SELENON: variants seen among roughly 807,000 people sequenced by gnomAD.
SELENON encodes selenoprotein N.
In SELENON, 44 loss-of-function variants were observed where a neutral mutation model predicts 59.5. The observed-to-expected ratio is 0.74, with a 90% CI of 0.58 to 0.95. The LOEUF (loss-of-function observed/expected upper bound fraction) is 0.95. SELENON is among the 40% of genes least tolerant of loss of function. The pLI, the probability that SELENON is intolerant of heterozygous loss-of-function variation, is 0.00. For synonymous variants in SELENON, 320 were observed against 305.6 expected, an observed-to-expected ratio of 1.05 and a Z score of -0.49; for missense variants, 674 against 721.4, an observed-to-expected ratio of 0.93 and a Z score of 0.75.
At chr1:25,810,499 C>G (rs531471418) in intron 7 of SELENON, among the ~76,000 whole-genome samples, 2 of 152,334 alleles carry the variant, frequency 1.3e-5, no homozygotes, top group South Asian at 4.1e-4. Flanking sequence ...GGGATGAGAC[C>G]TGGCTGGGAG....
At chr1:25,808,844 C>T in intron 5 of SELENON, 55 bp downstream of exon 4, 1 of 1,602,086 alleles carries the variant, frequency 6.2e-7, no homozygotes. Flanking sequence ...CAGGAGTGGC[C>T]ACCCCTCTGT....
chr1:25,806,705 C>T (rs2047910083), intron 4 of SELENON, among the ~76,000 whole-genome samples: 1 of 152,112 alleles, frequency 6.6e-6, no homozygotes, highest in Non-Finnish European at 1.5e-5. Flanking sequence ...GTGCCCAACT[C>T]TAGAGCCTGG....
At position 25,815,948 on chromosome 1, in the gene SELENON, G is replaced by A; in HGVS notation, c.*230G>A. ...AACCTCTAGCTCTGACTGTCACTCGGCTCTCCCTACCCATTTGGCTCTGGA... is the reference window on the plus strand; with the variant it reads ...AACCTCTAGCTCTGACTGTCACTCGACTCTCCCTACCCATTTGGCTCTGGA... On this transcript the variant is annotated 3_prime_UTR_variant, in exon 13 of 13. Coordinates refer to ENST00000361547, the MANE Select transcript of SELENON (RefSeq NM_020451.3). 1 of 557,118 alleles carries A rather than the reference G, an allele frequency of 1.8e-6. No individual in the cohort carries two copies. Among genetic ancestry groups the A allele is most frequent in the South Asian group, 2.0e-5 (1 of 49,528 alleles). 34.5% of individuals were successfully genotyped at this position (557,118 alleles called of 1,614,324 possible).
At chr1:25,812,207 G>T (rs995239173) in intron 9 of SELENON, among the ~76,000 whole-genome samples, 2 of 152,040 alleles carry the variant, frequency 1.3e-5, no homozygotes, top group African/African-American at 4.8e-5. Context: ...CCTGGGGGTG[G>T]TGGTAGCACG....
chr1:25,808,928 G>T, intron 5 of SELENON, 98 bp from the exon 5 acceptor site: 1 of 1,601,222 alleles, frequency 6.2e-7, no homozygotes, highest in Non-Finnish European at 8.5e-7. Flanking sequence ...CCCTCCCCAT[G>T]GGGCCCCTGG....
At position 25,817,584 on chromosome 1, in the gene SELENON, A is replaced by G. The variant is rs2048022391; in HGVS notation, c.*1866A>G. The G allele has an allele frequency of 6.6e-6, 1 of 152,236 alleles. No homozygotes were observed. Among genetic ancestry groups the G allele is most frequent in the African/African-American group, 2.4e-5 (1 of 41,446 alleles). The allele number at this position is 152,236 out of a possible 1,614,324, so 9.4% of individuals were successfully genotyped here. ...CACCTTCTCACTTAATCCTCACGACAAGCCTGTGAGGCAGATGCTCATTGT... is the reference window on the plus strand; with the variant it reads ...CACCTTCTCACTTAATCCTCACGACGAGCCTGTGAGGCAGATGCTCATTGT... On this transcript the variant is annotated 3_prime_UTR_variant, in exon 13 of 13. Coordinates refer to ENST00000361547, the MANE Select transcript of SELENON (RefSeq NM_020451.3).
At chr1:25,803,836 G>C (rs1259582258) in intron 3 of SELENON, among the ~76,000 whole-genome samples, 1 of 151,628 alleles carries the variant, frequency 6.6e-6, no homozygotes, top group Non-Finnish European at 1.5e-5. Flanking sequence ...TAGCTGGGCT[G>C]GGATTACAGG....
intron 3 of SELENON, among the ~76,000 whole-genome samples, chr1:25,803,293 T>G (rs1183305535): frequency 6.6e-6 from 1 of 152,218 alleles, no homozygotes; most frequent in East Asian, 1.9e-4. Flanking sequence ...TGCACAGAAA[T>G]CTTTTTCTCC....
At chr1:25,800,592 C>T (rs2124437069) in intron 1 of SELENON, among the ~76,000 whole-genome samples, 179 bp downstream of exon 1, 1 of 116,286 alleles carries the variant, frequency 8.6e-6, no homozygotes, top group East Asian at 2.2e-4. Flanking sequence ...TGCCTGGGGC[C>T]GGGCTGATGG....
In SELENON at chr1:25,812,663, C is replaced by T. The variant is rs376419153; in HGVS notation, c.1282-24C>T. The T allele has an allele frequency of 4.0e-5, 64 of 1,591,562 alleles. No individual in the cohort carries two copies. The African/African-American group carries it at 7.4e-4, about 18-fold the overall frequency. On this transcript the variant is annotated intron_variant, in intron 9 of 12. Transcript: ENST00000361547. Reference sequence around the variant, plus strand: ...ACCCTGGCCGCTTTGATGATGGCTTCGCTCTGTCTCGGTGTGGCCCCAGGT... The same window carrying T: ...ACCCTGGCCGCTTTGATGATGGCTTTGCTCTGTCTCGGTGTGGCCCCAGGT...
chr1:25,809,911 G>A (rs1450559713), intron 7 of SELENON, 91 bp downstream of exon 6: 13 of 1,518,144 alleles, frequency 8.6e-6, no homozygotes, highest in Non-Finnish European at 1.1e-5. Context: ...TTCTGTCTCT[G>A]CCCCTTCCTT....
intron 3 of SELENON, among the ~76,000 whole-genome samples, chr1:25,802,275 C>A (rs2124439258): frequency 6.6e-6 from 1 of 152,298 alleles, no homozygotes; most frequent in South Asian, 2.1e-4. Flanking sequence ...CAGGTGTGAA[C>A]CACCGCACCC....
intron 12 of SELENON, 75 bp from the exon 12 acceptor site, chr1:25,815,472 TC>T: frequency 8.0e-7 from 1 of 1,257,032 alleles, no homozygotes; most frequent in Non-Finnish European, 1.2e-6. Flanking sequence ...TCCCTGCTTC[TC>T]CCCATAGAAG....
Position 25,812,764 on chromosome 1 carries a change from G to A in SELENON, c.1359G>A (p.Trp453Ter). The change falls in exon 10 of 13, where the codon TGG becomes TGA. Residue 453 changes from tryptophan (W) to a stop codon, truncating the protein, a stop_gained. Transcript: ENST00000361547. LOFTEE classifies it high-confidence loss of function. ...AGCTGGTGCACTCAATCCTGCTGTG[G>A]GGGGCCCTGGATGACCAGTCCTGCT... 1 of 1,613,522 alleles carries A rather than the reference G, an allele frequency of 6.2e-7. No homozygotes were observed. The highest frequency in any genetic ancestry group is 8.5e-7 in the Non-Finnish European group (1 of 1,179,826).
chr1:25,812,421 C>T (rs2124451974), intron 9 of SELENON, among the ~76,000 whole-genome samples: 1 of 151,988 alleles, frequency 6.6e-6, no homozygotes, highest in Middle Eastern at 3.4e-3. Flanking sequence ...CTTAGTAGCA[C>T]CCACTTCACA....
Position 25,808,568 on chromosome 1 carries a change from C to G in SELENON, c.538-12C>G. On this transcript the variant is annotated splice_polypyrimidine_tract_variant and intron_variant, in intron 4 of 12. Transcript: ENST00000361547. Reference sequence around the variant, plus strand: ...TCTCAGATTCCTGGAGCTTTGCTTTCCCCCGCCCCAGGTCTCCCGCCTCGC... The same window carrying G: ...TCTCAGATTCCTGGAGCTTTGCTTTGCCCCGCCCCAGGTCTCCCGCCTCGC... The G allele has an allele frequency of 1.2e-6, 2 of 1,612,834 alleles. No individual in the cohort carries two copies. Among genetic ancestry groups the G allele is most frequent in the South Asian group, 2.2e-5 (2 of 91,058 alleles).
intron 3 of SELENON, among the ~76,000 whole-genome samples, chr1:25,802,288 C>T (rs2047867560): frequency 6.6e-6 from 1 of 152,134 alleles, no homozygotes; most frequent in Non-Finnish European, 1.5e-5. Flanking sequence ...CCGCACCCAG[C>T]CAGGAGCTAT....
chr1:25,804,614 C>T (rs2047886942), intron 3 of SELENON, among the ~76,000 whole-genome samples: 1 of 150,718 alleles, frequency 6.6e-6, no homozygotes, highest in Admixed American at 6.6e-5. Flanking sequence ...CCAGTCCAGC[C>T]CCTCCTACAG....
At chr1:25,810,970 C>T (rs915620164) in intron 7 of SELENON, among the ~76,000 whole-genome samples, 1 of 152,218 alleles carries the variant, frequency 6.6e-6, no homozygotes, top group Non-Finnish European at 1.5e-5. Flanking sequence ...GCTCTGCCCT[C>T]TGTGCCCCCT....
Sources: gnomAD v4.1 joint callset for allele counts (sites outside exome capture counted in the v4.1 genomes callset) on GRCh38, gnomAD v4.1.1 for gene constraint, MANE v1.5 for transcripts, NCBI Gene and HGNC (gene_info 2026-07-23, HGNC 2026-07-21) for gene names.